Variants in OLFM2 observed in about 807,000 individuals in gnomAD.
The protein encoded by OLFM2 is noelin-2.
Under a neutral mutation model 43.9 loss-of-function variants are expected in OLFM2, and 20 were observed. That is an observed-to-expected ratio of 0.46 (90% CI 0.32 to 0.66). The LOEUF is 0.66. OLFM2 is among the 30% of genes least tolerant of loss of function. OLFM2 has a pLI of 0.04. For missense variants in OLFM2, 416 were observed against 643.6 expected (o/e 0.65, Z 3.83); for synonymous variants, 268 against 278.6 (o/e 0.96, Z 0.38).
chr19:9,866,296 TC>T (rs1372854377), intron 1 of OLFM2, among the ~76,000 whole-genome samples: 1 of 152,114 alleles, frequency 6.6e-6, no homozygotes, highest in Non-Finnish European at 1.5e-5. Flanking sequence ...GTGCTAGCTC[TC>T]CCAGACTGGG....
intron 1 of OLFM2, among the ~76,000 whole-genome samples, chr19:9,933,936 C>T (rs987357727): frequency 6.6e-6 from 1 of 152,134 alleles, no homozygotes; most frequent in Non-Finnish European, 1.5e-5. Flanking sequence ...TTGCCGACAC[C>T]GTATTACATG....
In OLFM2 at chr19:9,936,492, C is replaced by A. The variant is rs1269963182; in HGVS notation, c.-126G>T. 1.4e-5 allele frequency: 9 copies of A among 656,726 alleles called. No homozygotes were observed. Among genetic ancestry groups the A allele is most frequent in the Non-Finnish European group, 1.5e-5 (8 of 529,530 alleles). 40.7% of individuals were successfully genotyped at this position (656,726 alleles called of 1,614,324 possible). A position where few individuals can be genotyped will look rare whatever the true frequency, so the allele number is the denominator to read the frequency against. ...CCCTGCGCCGCCGCCTCCCCCGCCT[C>A]GCCGGCGGCCGGGATTCCGCCCCAC... On this transcript the variant is annotated 5_prime_UTR_variant, in exon 1 of 6. Coordinates refer to ENST00000264833, the MANE Select transcript of OLFM2 (RefSeq NM_058164.4).
chr19:9,915,499 T>TTTAA (rs199778130), intron 1 of OLFM2, among the ~76,000 whole-genome samples: 7 of 67,632 alleles, frequency 1.0e-4, no homozygotes, highest in African/African-American at 2.2e-4. Flanking sequence ...GGGACTTTTT[T>TTTAA]ATTTATTTAT....
At chr19:9,892,314 C>A (rs1187459788) in intron 1 of OLFM2, among the ~76,000 whole-genome samples, 1 of 152,130 alleles carries the variant, frequency 6.6e-6, no homozygotes, top group East Asian at 1.9e-4. Context: ...GTACATACAG[C>A]CAACACCACA....
rs200456633 is a variant in OLFM2, at chr19:9,857,896, C to A, written c.214-35G>T. ...GGGACAACTGAAGGGACCAGACCTC[C>A]TTCCCCAAATCCCAACCCAGAGATG... On this transcript the variant is annotated intron_variant, in intron 2 of 5. Coordinates refer to ENST00000264833, the MANE Select transcript of OLFM2 (RefSeq NM_058164.4). The surrounding 1 kb of genome is among the most constrained non-coding windows in gnomAD (Gnocchi z 5.7). 89 of 1,613,376 alleles carry A rather than the reference C, an allele frequency of 5.5e-5. No individual in the cohort carries two copies. Among genetic ancestry groups the A allele is most frequent in the Non-Finnish European group, 6.9e-5 (82 of 1,179,952 alleles).
chr19:9,857,912 C>T lies in OLFM2; in HGVS notation c.214-51G>A, dbSNP rs748572173. 1 of 1,610,582 alleles carries T rather than the reference C, an allele frequency of 6.2e-7. No homozygotes were observed. Among genetic ancestry groups the T allele is most frequent in the South Asian group, 1.1e-5 (1 of 90,892 alleles). On this transcript the variant is annotated intron_variant, in intron 2 of 5. Transcript: ENST00000264833. This position sits in a 1 kb window ranked among gnomAD's most constrained non-coding sequence, Gnocchi z 5.7. ...CCAGACCTCCTTCCCCAAATCCCAA[C>T]CCAGAGATGCCACAGACAAGAGCTG...
At chr19:9,855,655 C>A (rs1323856977) in intron 5 of OLFM2, among the ~76,000 whole-genome samples, 2 of 152,032 alleles carry the variant, frequency 1.3e-5, no homozygotes, top group African/African-American at 4.8e-5. Flanking sequence ...CACCTCAGCC[C>A]CCCGGAATAG....
chr19:9,930,379 T>G (rs191973720), intron 1 of OLFM2, among the ~76,000 whole-genome samples: 142 of 152,330 alleles, frequency 9.3e-4, no homozygotes, highest in East Asian at 4.4e-3. Context: ...TTTATTTTTT[T>G]GGGGGGCATA....
At chr19:9,862,832 G>A (rs572492468) in intron 1 of OLFM2, among the ~76,000 whole-genome samples, 5 of 152,044 alleles carry the variant, frequency 3.3e-5, no homozygotes, top group African/African-American at 4.8e-5. Context: ...AAAATTAGCC[G>A]GGCATGGTGA....
At chr19:9,859,254 C>A (rs1487624952) in intron 2 of OLFM2, among the ~76,000 whole-genome samples, 1 of 152,216 alleles carries the variant, frequency 6.6e-6, no homozygotes, top group African/African-American at 2.4e-5. Flanking sequence ...TGAGGCCAAC[C>A]ACAGTCCAAA....
chr19:9,931,200 A>G (rs4804476), intron 1 of OLFM2, among the ~76,000 whole-genome samples: 45,915 of 152,092 alleles, frequency 0.3, 8,490 homozygotes, highest in African/African-American at 0.52. Context: ...CCCCTAAACA[A>G]CAGTGCCCTA....
rs753499815 is a variant in OLFM2 at position 9,854,149 on chromosome 19, A to C, written c.*37T>G. ...AATGAAAAGGGCCCCCAGCCCCCAG[A>C]GGCCCCCCAGGCAGCAGCCCGAGCC... On this transcript the variant is annotated 3_prime_UTR_variant, in exon 6 of 6. Coordinates refer to ENST00000264833, the MANE Select transcript of OLFM2 (RefSeq NM_058164.4). This position sits in a 1 kb window ranked among gnomAD's most constrained non-coding sequence, Gnocchi z 9.5. 6.3e-7 allele frequency: 1 copy of C among 1,596,270 alleles called. No individual in the cohort carries two copies. Among genetic ancestry groups the C allele is most frequent in the Non-Finnish European group, 8.6e-7 (1 of 1,164,318 alleles).
At chr19:9,925,342 G>C (rs2086446360) in intron 1 of OLFM2, among the ~76,000 whole-genome samples, 1 of 152,128 alleles carries the variant, frequency 6.6e-6, no homozygotes, top group Non-Finnish European at 1.5e-5. Flanking sequence ...AGCAAGTGTT[G>C]GTGAGGATGT....
chr19:9,862,917 G>A (rs1238038916), intron 1 of OLFM2, among the ~76,000 whole-genome samples: 1 of 39,894 alleles, frequency 2.5e-5, no homozygotes, highest in African/African-American at 6.8e-5. Context: ...TGGGGGCAGC[G>A]AGCCGAGGTT....
intron 1 of OLFM2, among the ~76,000 whole-genome samples, chr19:9,923,915 C>A (rs1169140368): frequency 6.6e-6 from 1 of 150,692 alleles, no homozygotes; most frequent in African/African-American, 2.4e-5. Context: ...ACCTGGCCAA[C>A]ATGTCGAAAC....
At chr19:9,886,914 C>T (rs1406530472) in intron 1 of OLFM2, among the ~76,000 whole-genome samples, 1 of 151,988 alleles carries the variant, frequency 6.6e-6, no homozygotes, top group African/African-American at 2.4e-5. Context: ...AAACTCCTGA[C>T]CTCAGGTGAT....
At chr19:9,882,192 A>AT (rs1292890868) in intron 1 of OLFM2, among the ~76,000 whole-genome samples, 28 of 151,184 alleles carry the variant, frequency 1.9e-4, no homozygotes, top group Admixed American at 1.8e-3. Context: ...GTGAGCTGTG[A>AT]TAACGCCACT....
At chr19:9,898,907 C>T (rs2046708462) in intron 1 of OLFM2, among the ~76,000 whole-genome samples, 1 of 152,130 alleles carries the variant, frequency 6.6e-6, no homozygotes, top group South Asian at 2.1e-4. Flanking sequence ...GAATCCATTA[C>T]CCAACCCAGC....
Position 9,928,212 on chromosome 19 carries a change from T to TA in OLFM2, c.63+8091dup, listed in dbSNP as rs5827073. Among the ~76,000 whole-genome samples, 584 of 141,030 alleles carry TA rather than the reference T, an allele frequency of 4.1e-3. 1 individual carries two copies. Among genetic ancestry groups the TA allele is most frequent in the Middle Eastern group, 0.026 (7 of 274 alleles). 92.5% of individuals were successfully genotyped at this position (141,030 alleles called of 152,430 possible). The stretch of plus-strand genomic sequence containing the variant: ...GTCAACAGAGCAAGACCCTGCGTCT[T>TA]AAAAAAAAAAAAACAAAATAAAATT... On this transcript the variant is annotated intron_variant, in intron 1 of 5. Transcript: ENST00000264833.
Sources: allele counts gnomAD v4.1 joint callset (sites outside exome capture counted in the v4.1 genomes callset), GRCh38; gene constraint gnomAD v4.1.1; non-coding constraint Gnocchi (gnomAD v3.1); transcripts MANE v1.5; gene names NCBI Gene and HGNC (gene_info 2026-07-23, HGNC 2026-07-21).